ANKS1B: variants seen among roughly 807,000 people sequenced by gnomAD.
ANKS1B encodes ankyrin repeat and sterile alpha motif domain-containing protein 1B.
In ANKS1B, 36 loss-of-function variants were observed where a neutral mutation model predicts 148.3. That is an observed-to-expected ratio of 0.24 (90% CI 0.19 to 0.32). ANKS1B has a LOEUF of 0.32. Ranked by LOEUF, ANKS1B falls within the 10% of genes least tolerant of loss-of-function variation. The probability of loss-of-function intolerance (pLI) is 1.00; values close to 1 mark genes in which losing one functional copy is unlikely to be tolerated. For missense variants in ANKS1B, 1,157 were observed against 1,542.6 expected (o/e 0.75, Z 4.19); for synonymous variants, 542 against 560.8 (o/e 0.97, Z 0.47).
chr12:98,968,957 A>C (rs1597765551), intron 17 of ANKS1B, among the ~76,000 whole-genome samples: 1 of 152,354 alleles, frequency 6.6e-6, no homozygotes, highest in East Asian at 1.9e-4. Context: ...TCTTGCACTA[A>C]GTTTTCAGTA....
At chr12:99,060,151 A>G (rs922686956) in intron 16 of ANKS1B, among the ~76,000 whole-genome samples, 3 of 152,182 alleles carry the variant, frequency 2.0e-5, no homozygotes, top group African/African-American at 7.2e-5. Flanking sequence ...CAGAAATTCG[A>G]GATAGCAGTG....
intron 12 of ANKS1B, among the ~76,000 whole-genome samples, chr12:99,358,838 T>A (rs960443067): frequency 2.0e-5 from 3 of 152,102 alleles, no homozygotes; most frequent in African/African-American, 7.2e-5. Context: ...CCATCCCTTA[T>A]GGAGCTAAAA....
chr12:99,855,692 A>T (rs2153711293), intron 1 of ANKS1B, among the ~76,000 whole-genome samples: 1 of 152,284 alleles, frequency 6.6e-6, no homozygotes, highest in African/African-American at 2.4e-5. Flanking sequence ...ATTTAAGAAA[A>T]CTGAAATTAT....
rs145285118 is a variant in ANKS1B at position 99,952,479 on chromosome 12, T to A, written c.134+31625A>T. 2.7e-4 allele frequency among the ~76,000 whole-genome samples: 41 copies of A among 151,360 alleles called. No homozygotes were observed. In the East Asian group the frequency reaches 7.1e-3, roughly 26 times the overall value. ...CCTGTTTCATAGCATCCGTTCTTGT[T>A]TTAAAAGTACAATATCTTCTCTTAT... On this transcript the variant is annotated intron_variant, in intron 1 of 26. Coordinates refer to ENST00000683438, the MANE Select transcript of ANKS1B (RefSeq NM_001352186.2).
intron 12 of ANKS1B, among the ~76,000 whole-genome samples, chr12:99,307,823 T>G (rs1047517267): frequency 3.9e-5 from 6 of 152,122 alleles, no homozygotes; most frequent in Non-Finnish European, 7.4e-5. Context: ...CCTTTTTTAT[T>G]TAGCTGTAGT....
At chr12:99,314,178 GAAAAC>G (rs1293054407) in intron 12 of ANKS1B, among the ~76,000 whole-genome samples, 1 of 152,080 alleles carries the variant, frequency 6.6e-6, no homozygotes, top group Non-Finnish European at 1.5e-5. Context: ...TTGCTACAAA[GAAAAC>G]AAAACACCTA....
At chr12:99,306,878 T>C (rs1602650426) in intron 12 of ANKS1B, among the ~76,000 whole-genome samples, 1 of 152,102 alleles carries the variant, frequency 6.6e-6, no homozygotes, top group African/African-American at 2.4e-5. Context: ...CCTTAGTAAA[T>C]TTCATTCTAA....
chr12:99,482,765 G>A (rs891347139), intron 10 of ANKS1B, among the ~76,000 whole-genome samples: 1 of 151,468 alleles, frequency 6.6e-6, no homozygotes, highest in Non-Finnish European at 1.5e-5. Flanking sequence ...TTATTTTTTT[G>A]CAGCTGTTGT....
intron 12 of ANKS1B, among the ~76,000 whole-genome samples, chr12:99,346,175 T>C (rs926262912): frequency 6.6e-6 from 1 of 152,052 alleles, no homozygotes; most frequent in Non-Finnish European, 1.5e-5. Context: ...ACAATGCTGA[T>C]TGGGATATCA....
At chr12:98,898,305 T>C (rs2099767626) in intron 17 of ANKS1B, among the ~76,000 whole-genome samples, 1 of 152,230 alleles carries the variant, frequency 6.6e-6, no homozygotes, top group South Asian at 2.1e-4. Context: ...TCCAGTACTG[T>C]ATATTAAAAC....
chr12:99,206,419 A>G (rs995174866), intron 14 of ANKS1B, among the ~76,000 whole-genome samples: 2 of 152,204 alleles, frequency 1.3e-5, no homozygotes, highest in Non-Finnish European at 2.9e-5. Flanking sequence ...TGCATATATC[A>G]ATGAGGGTTC....
At chr12:98,981,405 A>G (rs2099910352) in intron 17 of ANKS1B, among the ~76,000 whole-genome samples, 1 of 151,950 alleles carries the variant, frequency 6.6e-6, no homozygotes, top group Non-Finnish European at 1.5e-5. Context: ...GCACGATGTC[A>G]GCTCACTGCA....
At chr12:99,595,140 T>G (rs550891715) in intron 9 of ANKS1B, among the ~76,000 whole-genome samples, 2 of 152,050 alleles carry the variant, frequency 1.3e-5, no homozygotes, top group African/African-American at 4.8e-5. Context: ...CATATAAGAA[T>G]TAAATGAGAA....
chr12:99,663,228 C>T (rs376792214), intron 8 of ANKS1B, among the ~76,000 whole-genome samples: 1 of 152,032 alleles, frequency 6.6e-6, no homozygotes, highest in African/African-American at 2.4e-5. Flanking sequence ...GATCATATTA[C>T]TCACAAAGGA....
At chr12:99,161,612 G>C (rs1374520834) in intron 14 of ANKS1B, among the ~76,000 whole-genome samples, 2 of 152,130 alleles carry the variant, frequency 1.3e-5, no homozygotes, top group African/African-American at 4.8e-5. Context: ...GCTACAGTAG[G>C]GAAATAAGCT....
chr12:98,898,270 G>A (rs1353784916), intron 17 of ANKS1B, among the ~76,000 whole-genome samples: 1 of 152,080 alleles, frequency 6.6e-6, no homozygotes, highest in East Asian at 1.9e-4. Context: ...CTTCATCATG[G>A]CACTAATGAA....
At chr12:99,722,081 A>G (rs1296104215) in intron 8 of ANKS1B, among the ~76,000 whole-genome samples, 1 of 152,272 alleles carries the variant, frequency 6.6e-6, no homozygotes, top group Admixed American at 6.5e-5. Flanking sequence ...TTTTGAAGCT[A>G]GCAGGGGTTC....
At position 98,810,580 on chromosome 12, in the gene ANKS1B, T is replaced by C. The variant is rs150688094; in HGVS notation, c.3067-2662A>G. Among the ~76,000 whole-genome samples, 655 of 152,338 alleles carry C rather than the reference T, an allele frequency of 4.3e-3. 8 individuals carry two copies. The highest frequency in any genetic ancestry group is 3.1e-3 in the Non-Finnish European group (213 of 68,042). The stretch of plus-strand genomic sequence containing the variant: ...AGAAGAAATAAAGTCTCCTCTACTT[T>C]ACTAAATTCATATATATATATTTAA... On this transcript the variant is annotated intron_variant, in intron 19 of 26. Coordinates refer to ENST00000683438, the MANE Select transcript of ANKS1B (RefSeq NM_001352186.2).
chr12:99,660,684 A>G (rs1042069530), intron 8 of ANKS1B, among the ~76,000 whole-genome samples: 14 of 152,118 alleles, frequency 9.2e-5, no homozygotes, highest in African/African-American at 3.4e-4. Flanking sequence ...AGTATTGCCA[A>G]TGTTGTCTTT....
Sources: allele counts gnomAD v4.1 joint callset (sites outside exome capture counted in the v4.1 genomes callset), GRCh38; gene constraint gnomAD v4.1.1; transcripts MANE v1.5; gene names NCBI Gene and HGNC (gene_info 2026-07-23, HGNC 2026-07-21).